WWP1: variants seen among roughly 807,000 people sequenced by gnomAD.
WWP1 encodes the protein NEDD4-like E3 ubiquitin-protein ligase WWP1.
WWP1 carries 49 observed loss-of-function variants against 130.6 expected under a neutral mutation model. The ratio of observed to expected loss-of-function variants is 0.38; its 90% CI spans 0.30 to 0.48. The LOEUF is 0.48. Ranked by LOEUF, WWP1 falls within the 20% of genes least tolerant of loss-of-function variation. WWP1 has a pLI of 0.99. For synonymous variants in WWP1, 332 were observed against 367.8 expected (o/e 0.90, Z 1.11); for missense variants, 809 against 1,100.6 (o/e 0.74, Z 3.75).
chr8:86,385,593 G>A (rs1299929349), intron 5 of WWP1, among the ~76,000 whole-genome samples: 1 of 152,206 alleles, frequency 6.6e-6, no homozygotes, highest in Non-Finnish European at 1.5e-5. Flanking sequence ...AGAAGTATAT[G>A]TGGGGGCTCT....
At chr8:86,459,645 GA>G in intron 22 of WWP1, among the ~76,000 whole-genome samples, 1 of 152,230 alleles carries the variant, frequency 6.6e-6, no homozygotes, top group African/African-American at 2.4e-5. Context: ...ACATAAATAG[GA>G]AGGAATAAAT....
intron 14 of WWP1, among the ~76,000 whole-genome samples, chr8:86,432,622 T>G (rs558544314): frequency 6.6e-6 from 1 of 152,070 alleles, no homozygotes; most frequent in Admixed American, 6.5e-5. Flanking sequence ...TTGTTTTTTT[T>G]TTGAGACGGA....
At chr8:86,343,531 C>G (rs1406765538) in intron 1 of WWP1, among the ~76,000 whole-genome samples, 1 of 148,364 alleles carries the variant, frequency 6.7e-6, no homozygotes, top group Non-Finnish European at 1.5e-5. Flanking sequence ...CTTACAGACT[C>G]TCCTTTCATC....
At chr8:86,381,441 G>C (rs1355198293) in intron 4 of WWP1, 64 bp from the exon 5 acceptor site, 1 of 1,523,938 alleles carries the variant, frequency 6.6e-7, no homozygotes. Flanking sequence ...AATAGGAATT[G>C]TTACTTATTA....
chr8:86,345,535 G>A (rs773122499), intron 1 of WWP1, among the ~76,000 whole-genome samples: 46 of 151,972 alleles, frequency 3.0e-4, no homozygotes, highest in Non-Finnish European at 3.5e-4. Context: ...TCAGTCTCCC[G>A]AATAGCTTGA....
intron 9 of WWP1, among the ~76,000 whole-genome samples, chr8:86,414,488 G>A (rs1456772362): frequency 6.6e-6 from 1 of 152,188 alleles, no homozygotes; most frequent in African/African-American, 2.4e-5. Flanking sequence ...AACCAAGGTG[G>A]ATTCTTCTGG....
At position 86,438,566 on chromosome 8, in the gene WWP1, T is replaced by G; in HGVS notation, c.1750-19T>G. 6.4e-7 allele frequency: 1 copy of G among 1,564,512 alleles called. No homozygotes were observed. Among genetic ancestry groups the G allele is most frequent in the Non-Finnish European group, 8.6e-7 (1 of 1,156,400 alleles). ...ACTGCATGTGAGTATTTAATATTCA[T>G]GTTTTTGTTTTTAATTAGATTATGG... On this transcript the variant is annotated intron_variant, in intron 16 of 24. Transcript: ENST00000517970.
Position 86,425,595 on chromosome 8 carries a change from G to A in WWP1, c.1157+277G>A, listed in dbSNP as rs201497668. On this transcript the variant is annotated intron_variant, in intron 10 of 24. Coordinates refer to ENST00000517970, the MANE Select transcript of WWP1 (RefSeq NM_007013.4). The stretch of plus-strand genomic sequence containing the variant: ...TAATTTTTTTAAGGAAAGAAAGGTA[G>A]TATTTAGGACAGTTTATATGTATGG... Among the ~76,000 whole-genome samples, 4 of 152,052 alleles carry A rather than the reference G, an allele frequency of 2.6e-5. No individual in the cohort carries two copies. In the East Asian group the frequency reaches 5.8e-4, roughly 22 times the overall value.
intron 7 of WWP1, among the ~76,000 whole-genome samples, chr8:86,401,010 TG>T (rs897344007): frequency 4.0e-5 from 6 of 151,764 alleles, no homozygotes; most frequent in African/African-American, 7.3e-5. Context: ...GAACTTTTTT[TG>T]TTTTTTTTTT....
intron 16 of WWP1, among the ~76,000 whole-genome samples, chr8:86,436,067 A>G (rs2130700265): frequency 6.6e-6 from 1 of 152,272 alleles, no homozygotes; most frequent in South Asian, 2.1e-4. Context: ...TTTGCAAAAC[A>G]CCGGCATCTT....
intron 11 of WWP1, among the ~76,000 whole-genome samples, chr8:86,430,357 T>C (rs1586440314): frequency 6.6e-6 from 1 of 152,118 alleles, no homozygotes; most frequent in Admixed American, 6.6e-5. Context: ...CACAGTTCAC[T>C]GTAGCCTCCA....
intron 8 of WWP1, 51 bp from the exon 9 acceptor site, chr8:86,411,487 G>A: frequency 6.6e-7 from 1 of 1,504,400 alleles, no homozygotes. Flanking sequence ...TTAGGTAATT[G>A]ATTGCTTTAT....
intron 20 of WWP1, among the ~76,000 whole-genome samples, chr8:86,452,248 G>T (rs1164230344): frequency 1.3e-5 from 2 of 152,076 alleles, no homozygotes; most frequent in African/African-American, 4.8e-5. Context: ...AATAATTAGT[G>T]CTAGGATTTG....
intron 20 of WWP1, among the ~76,000 whole-genome samples, chr8:86,450,187 TA>T (rs1171826711): frequency 6.6e-6 from 1 of 152,214 alleles, no homozygotes; most frequent in Admixed American, 6.5e-5. Context: ...TTACCAACTT[TA>T]ATGTACCCTT....
At chr8:86,435,559 A>G in intron 15 of WWP1, 32 bp downstream of exon 15, 2 of 1,613,046 alleles carry the variant, frequency 1.2e-6, no homozygotes, top group East Asian at 2.2e-5. Flanking sequence ...CTTATACTCA[A>G]TAATTTAGTC....
chr8:86,394,594 G>T (rs41374044), intron 5 of WWP1, among the ~76,000 whole-genome samples: 8,265 of 152,220 alleles, frequency 0.054, 317 homozygotes, highest in Non-Finnish European at 0.086. Flanking sequence ...GGCTAGTCAA[G>T]GTTTGTCCTG....
chr8:86,457,917 C>G lies in WWP1; in HGVS notation c.2395-4C>G, dbSNP rs188228045. The stretch of plus-strand genomic sequence containing the variant: ...TGTGGCCTGATTCTGTGCTCATTTC[C>G]CAGGTTATGTTGTGTGGCATGCAGG... On this transcript the variant is annotated splice_region_variant and splice_polypyrimidine_tract_variant and intron_variant, in intron 21 of 24. Transcript: ENST00000517970. 10 of 1,611,094 alleles carry G rather than the reference C, an allele frequency of 6.2e-6. No individual in the cohort carries two copies. Among genetic ancestry groups the G allele is most frequent in the Non-Finnish European group, 7.6e-6 (9 of 1,177,878 alleles).
At chr8:86,410,539 A>G (rs1808523953) in intron 8 of WWP1, among the ~76,000 whole-genome samples, 1 of 152,140 alleles carries the variant, frequency 6.6e-6, no homozygotes, top group Non-Finnish European at 1.5e-5. Flanking sequence ...TTAAAAATGC[A>G]GATCCCCAGG....
chr8:86,382,914 GAAGT>G (rs1356299173), intron 5 of WWP1, among the ~76,000 whole-genome samples: 1 of 152,178 alleles, frequency 6.6e-6, no homozygotes, highest in Non-Finnish European at 1.5e-5. Flanking sequence ...TTTGCTGAAT[GAAGT>G]AAGGGATGAA....
Sources: allele counts gnomAD v4.1 joint callset (sites outside exome capture counted in the v4.1 genomes callset), GRCh38; gene constraint gnomAD v4.1.1; transcripts MANE v1.5; gene names NCBI Gene and HGNC (gene_info 2026-07-23, HGNC 2026-07-21).